Variants in WDR62 observed in about 807,000 individuals in gnomAD.
WDR62 encodes WD repeat-containing protein 62.
Under a neutral mutation model 160.6 loss-of-function variants are expected in WDR62, and 112 were observed. The observed-to-expected ratio is 0.70, with a 90% confidence interval of 0.60 to 0.82. WDR62 has a LOEUF of 0.82. Among genes scored for constraint, WDR62 ranks in the 40% least tolerant of loss-of-function variants. WDR62 has a pLI of 0.00. For missense variants in WDR62, 1,819 were observed against 1,983.8 expected, an observed-to-expected ratio of 0.92 and a Z score of 1.58; for synonymous variants, 792 against 815.1, an observed-to-expected ratio of 0.97 and a Z score of 0.48.
rs746156911 is a variant in WDR62, at chr19:36,067,948, T to G, written c.820T>G (p.Tyr274Asp). ...RMAGSTFCVS[Y>D]SGLLCQFNEK... Reference sequence around the variant, plus strand: ...GGCGGGCAGTACCTTCTGTGTGTCCTACTCGGGCCTCCTCTGCCAGTTCAA... The same window carrying G: ...GGCGGGCAGTACCTTCTGTGTGTCCGACTCGGGCCTCCTCTGCCAGTTCAA... Residue 274 changes from tyrosine (Y) to aspartate (D), a missense_variant, in exon 7 of 32, where the codon TAC becomes GAC. Physicochemically the swap from Tyr to Asp is radical, Grantham distance 160. This residue lies in a region of WDR62 where 934 missense variants were observed against 1,157.2 expected (regional missense o/e 0.81). Transcript: ENST00000401500. 2.3e-4 allele frequency: 374 copies of G among 1,614,086 alleles called. 1 individual carries two copies. Among genetic ancestry groups the G allele is most frequent in the Non-Finnish European group, 1.5e-4 (181 of 1,180,042 alleles).
intron 21 of WDR62, among the ~76,000 whole-genome samples, chr19:36,098,919 C>T (rs1973142676): frequency 6.6e-6 from 1 of 152,118 alleles, no homozygotes; most frequent in African/African-American, 2.4e-5. Flanking sequence ...GAGTCCACCT[C>T]TACCAAAAAC....
chr19:36,093,796 G>A (rs751848031), intron 19 of WDR62, among the ~76,000 whole-genome samples: 17 of 152,234 alleles, frequency 1.1e-4, no homozygotes, highest in Non-Finnish European at 1.6e-4. Flanking sequence ...TCCCATTGCT[G>A]TGGCCCTGAG....
In WDR62 at chr19:36,103,564, G is replaced by A. The variant is rs575290362; in HGVS notation, c.3736G>A (p.Ala1246Thr). 49 of 1,613,890 alleles carry A rather than the reference G, an allele frequency of 3.0e-5. No homozygotes were observed. The highest frequency in any genetic ancestry group is 2.5e-4 in the South Asian group (23 of 91,076). Residue 1246 changes from alanine (A) to threonine (T), a missense_variant, in exon 30 of 32, where the codon GCC becomes ACC. Physicochemically the swap from Ala to Thr is moderately conservative, Grantham distance 58. Transcript: ENST00000401500. Reference sequence around the variant, plus strand: ...TGAGGGCCCTATCGTGGCCACACTGGCCCAGCCCCTCCGTAGGCCATCGTC... The same window carrying A: ...TGAGGGCCCTATCGTGGCCACACTGACCCAGCCCCTCCGTAGGCCATCGTC... The part of the protein sequence containing the change: ...DSEGPIVATL[A>T]QPLRRPSSVG...
At chr19:36,084,000 A>T (rs1246075102) in intron 11 of WDR62, among the ~76,000 whole-genome samples, 1 of 152,124 alleles carries the variant, frequency 6.6e-6, no homozygotes, top group Non-Finnish European at 1.5e-5. Context: ...GCTTACATTG[A>T]CATGGCACTG....
intron 22 of WDR62, 143 bp from the exon 23 acceptor site, chr19:36,100,605 G>A: frequency 7.8e-7 from 1 of 1,274,518 alleles, no homozygotes; most frequent in Non-Finnish European, 1.1e-6. Context: ...GGGCAGACCA[G>A]GACAAGCTGG....
chr19:36,072,610 T>C (rs1971357526), intron 8 of WDR62, among the ~76,000 whole-genome samples: 1 of 152,100 alleles, frequency 6.6e-6, no homozygotes, highest in South Asian at 2.1e-4. Context: ...TAGGGCTGCC[T>C]CTTTGTGGAT....
At chr19:36,057,090 C>T (rs1275538445) in intron 1 of WDR62, among the ~76,000 whole-genome samples, 1 of 152,148 alleles carries the variant, frequency 6.6e-6, no homozygotes, top group Non-Finnish European at 1.5e-5. Context: ...GCTAGGATTA[C>T]AGGCGTGAGC....
intron 13 of WDR62, among the ~76,000 whole-genome samples, chr19:36,087,538 C>A (rs144512213): frequency 6.6e-6 from 1 of 151,480 alleles, no homozygotes; most frequent in African/African-American, 2.4e-5. Context: ...GAATATAGGC[C>A]GGGCGTGGTG....
chr19:36,074,307 A>G (rs972835802), intron 9 of WDR62: 6 of 152,144 alleles, frequency 3.9e-5, no homozygotes, highest in Non-Finnish European at 7.3e-5. Context: ...ATGTCTAGGA[A>G]AAAAAAAAAA....
chr19:36,086,813 G>A lies in WDR62; in HGVS notation c.1768+1G>A. 1.2e-6 allele frequency: 2 copies of A among 1,609,416 alleles called. No individual in the cohort carries two copies. The highest frequency in any genetic ancestry group is 1.1e-5 in the South Asian group (1 of 90,244). On this transcript the variant is annotated splice_donor_variant, in intron 13 of 31. Transcript: ENST00000401500. LOFTEE classifies it high-confidence loss of function. ...TCCATCACCGCCATCAAGTTCGCTG[G>A]TGAGCCCCTTTCTTCCCGCTCCCTG... is the stretch of plus-strand genomic sequence containing the variant.
At chr19:36,088,802 C>G (rs1972409787) in intron 13 of WDR62, among the ~76,000 whole-genome samples, 2 of 152,236 alleles carry the variant, frequency 1.3e-5, no homozygotes, top group South Asian at 2.1e-4. Context: ...GCCTTTGTTT[C>G]TCTATATGCC....
the WDR62 span, among the ~76,000 whole-genome samples, chr19:36,110,204 C>T: frequency 2.0e-5 from 3 of 152,134 alleles, no homozygotes; most frequent in South Asian, 6.2e-4. Flanking sequence ...GGTGCGGTGG[C>T]TCATGCCTGT....
intron 16 of WDR62, among the ~76,000 whole-genome samples, chr19:36,090,934 T>G (rs1046036126): frequency 2.0e-5 from 3 of 152,244 alleles, no homozygotes; most frequent in Non-Finnish European, 4.4e-5. Context: ...CATCATCTCT[T>G]GAAATGCACA....
At chr19:36,109,087 C>A (rs1057476531), downstream of WDR62, among the ~76,000 whole-genome samples, 1 of 152,126 alleles carries the variant, frequency 6.6e-6, no homozygotes, top group Non-Finnish European at 1.5e-5. Context: ...AGCAGACCCT[C>A]AGCACTGCCA....
intron 11 of WDR62, among the ~76,000 whole-genome samples, chr19:36,083,917 G>A (rs544112184): frequency 3.9e-5 from 6 of 152,208 alleles, no homozygotes; most frequent in South Asian, 4.1e-4. Context: ...TGTGAAATTC[G>A]ATAATTTTTA....
At position 36,101,754 on chromosome 19, in the gene WDR62, C is replaced by T. The variant is rs140800677; in HGVS notation, c.3062C>T (p.Thr1021Met). 1.2e-5 allele frequency: 19 copies of T among 1,551,864 alleles called. No individual in the cohort carries two copies. In the African/African-American group the frequency reaches 1.4e-4, roughly 11 times the overall value. ...PPPDPAPRFATSLPHFPGCAG... is the reference protein window; with the variant it reads ...PPPDPAPRFAMSLPHFPGCAG... ...CCTGACCCTGCCCCTCGGTTTGCCA[C>T]GTCGCTGCCCCATTTCCCAGGTAAG... The change falls in exon 25 of 32, where the codon ACG becomes ATG. Residue 1021 changes from threonine (T) to methionine (M), a missense_variant. Transcript: ENST00000401500.
chr19:36,077,176 TC>T (rs554136736), intron 9 of WDR62, among the ~76,000 whole-genome samples: 107 of 150,204 alleles, frequency 7.1e-4, no homozygotes, highest in African/African-American at 2.5e-3. Context: ...CATTCCCCAC[TC>T]CCCCCATCCA....
chr19:36,094,804 C>T (rs1055253707), intron 20 of WDR62, among the ~76,000 whole-genome samples: 4 of 151,450 alleles, frequency 2.6e-5, no homozygotes, highest in African/African-American at 9.7e-5. Context: ...GAGGCTGAGG[C>T]AGGAGGATCA....
intron 18 of WDR62, 122 bp downstream of exon 18, chr19:36,091,587 C>T: frequency 1.0e-6 from 1 of 976,372 alleles, no homozygotes; most frequent in Non-Finnish European, 1.6e-6. Flanking sequence ...GGTGTCACAC[C>T]CAGCCCTGAG....
Sources: allele counts gnomAD v4.1 joint callset (sites outside exome capture counted in the v4.1 genomes callset), GRCh38; gene constraint gnomAD v4.1.1; regional missense constraint gnomAD v4.1.1; transcripts MANE v1.5; gene names NCBI Gene and HGNC (gene_info 2026-07-23, HGNC 2026-07-21).